Variants in DMD observed in about 807,000 individuals in gnomAD.
DMD encodes the protein mutant dystrophin.
A neutral mutation model predicts 330.1 loss-of-function variants in DMD; 63 were observed. The ratio of observed to expected loss-of-function variants is 0.19; its 90% CI spans 0.16 to 0.24. The LOEUF is 0.24. Among genes scored for constraint, DMD ranks in the 10% least tolerant of loss-of-function variants. DMD has a pLI of 1.00. For synonymous variants in DMD, 1,223 were observed against 959.8 expected (o/e 1.27, Z -5.07); for missense variants, 3,344 against 2,684.1 (o/e 1.25, Z -5.43).
intron 44 of DMD, among the ~76,000 whole-genome samples, chrX:32,146,936 G>A (rs1049570108): frequency 8.9e-6 from 1 of 112,337 alleles, no homozygotes; most frequent in Non-Finnish European, 1.9e-5. Context: ...TGACAGCAGA[G>A]TATCTGTTCC....
At chrX:32,397,774 C>A (rs1251106075) in intron 30 of DMD, among the ~76,000 whole-genome samples, 2 of 111,104 alleles carry the variant, frequency 1.8e-5, no homozygotes, top group African/African-American at 6.5e-5. Context: ...CCTCATCAAA[C>A]CATTCTCATA....
intron 2 of DMD, among the ~76,000 whole-genome samples, chrX:32,917,990 A>G (rs113582138): frequency 0.2 from 22,348 of 109,266 alleles, 2,206 homozygotes; most frequent in Non-Finnish European, 0.31. Flanking sequence ...AGAAAAAAAA[A>G]AAAAAAGAAA....
At chrX:32,499,746 G>T (rs745794868) in intron 19 of DMD, among the ~76,000 whole-genome samples, 1 of 110,689 alleles carries the variant, frequency 9.0e-6, no homozygotes, top group African/African-American at 3.3e-5. Context: ...CTGTACTTTT[G>T]GGCTCTATAC....
chrX:31,830,794 T>C (rs1448853698), intron 49 of DMD, among the ~76,000 whole-genome samples: 1 of 111,358 alleles, frequency 9.0e-6, no homozygotes, highest in Non-Finnish European at 1.9e-5. Flanking sequence ...AAAACACTCA[T>C]AGAAATAAAC....
intron 55 of DMD, among the ~76,000 whole-genome samples, chrX:31,583,424 G>A (rs1434272123): frequency 9.0e-6 from 1 of 111,151 alleles, no homozygotes; most frequent in Non-Finnish European, 1.9e-5. Flanking sequence ...AAAACCTGGG[G>A]AAGAGGGTGT....
chrX:32,540,552 T>G (rs1475377779), intron 17 of DMD, among the ~76,000 whole-genome samples: 1 of 111,545 alleles, frequency 9.0e-6, no homozygotes, highest in African/African-American at 3.3e-5. Context: ...GTAGAATTTT[T>G]AAATGATATT....
intron 17 of DMD, among the ~76,000 whole-genome samples, chrX:32,539,121 T>C (rs1307321632): frequency 9.0e-6 from 1 of 111,219 alleles, no homozygotes; most frequent in Non-Finnish European, 1.9e-5. Context: ...GAACATTTAA[T>C]AGATGGTTAT....
At chrX:33,022,748 C>T (rs1167856345) in intron 1 of DMD, among the ~76,000 whole-genome samples, 1 of 111,309 alleles carries the variant, frequency 9.0e-6, no homozygotes, top group African/African-American at 3.3e-5. Flanking sequence ...AAGTCCATGG[C>T]TTTTCACATT....
intron 1 of DMD, among the ~76,000 whole-genome samples, chrX:33,170,358 T>A (rs2049275501): frequency 9.0e-6 from 1 of 111,507 alleles, no homozygotes; most frequent in Admixed American, 9.5e-5. Context: ...ATGTAAAATT[T>A]TATTAAAAAT....
intron 43 of DMD, among the ~76,000 whole-genome samples, chrX:32,218,551 T>A (rs1247928188): frequency 8.9e-6 from 1 of 111,981 alleles, no homozygotes; most frequent in East Asian, 2.8e-4. Context: ...CATTCAGGAA[T>A]TTAAAGTAAC....
intron 44 of DMD, among the ~76,000 whole-genome samples, chrX:32,113,828 C>CAA (rs2096598788): frequency 8.9e-6 from 1 of 111,810 alleles, no homozygotes; most frequent in African/African-American, 3.2e-5. Context: ...CTCTCAGACA[C>CAA]AAATTATATT....
intron 48 of DMD, among the ~76,000 whole-genome samples, chrX:31,848,042 G>A (rs1220982373): frequency 9.0e-6 from 1 of 110,861 alleles, no homozygotes; most frequent in East Asian, 2.8e-4. Context: ...TGTGTATACT[G>A]TGTGTGTGTG....
chrX:32,913,222 G>T (rs961094085), intron 2 of DMD, among the ~76,000 whole-genome samples: 2 of 111,534 alleles, frequency 1.8e-5, no homozygotes, highest in East Asian at 5.6e-4. Context: ...ATATATCGTT[G>T]TCAGTCACTT....
intron 44 of DMD, among the ~76,000 whole-genome samples, chrX:32,034,383 T>C (rs1042259391): frequency 3.6e-5 from 4 of 111,822 alleles, no homozygotes; most frequent in African/African-American, 1.3e-4. Flanking sequence ...ATAACCTATG[T>C]CCTATAAACA....
intron 52 of DMD, among the ~76,000 whole-genome samples, chrX:31,701,904 T>C (rs773949722): frequency 2.8e-4 from 32 of 112,833 alleles, no homozygotes; most frequent in Non-Finnish European, 3.4e-4. Flanking sequence ...CTATACCCAC[T>C]ATTTCCACAT....
At chrX:31,726,942 T>G (rs991217422) in intron 52 of DMD, among the ~76,000 whole-genome samples, 5 of 111,626 alleles carry the variant, frequency 4.5e-5, no homozygotes, top group African/African-American at 1.6e-4. Flanking sequence ...TTCAAATCAC[T>G]GAATATTGGC....
chrX:32,183,968 C>T (rs1361404014), intron 44 of DMD, among the ~76,000 whole-genome samples: 1 of 110,677 alleles, frequency 9.0e-6, no homozygotes, highest in East Asian at 2.8e-4. Flanking sequence ...TAAAAAGACT[C>T]TTGAAAAATG....
In DMD at chrX:32,474,589, T is replaced by C. The variant is rs572377166; in HGVS notation, c.2804-2280A>G. ...GTAAGGTGGTATCACATGGTGGTTT[T>C]GATTTGCATTTCCCTGATCATTCAT... On this transcript the variant is annotated intron_variant, in intron 21 of 78. Transcript: ENST00000357033. Among the ~76,000 whole-genome samples the C allele has an allele frequency of 2.0e-4, 22 of 112,205 alleles. No homozygotes were observed. The South Asian group carries it at 7.0e-3, about 36-fold the overall frequency.
chrX:32,857,435 G>T (rs1193332091), intron 2 of DMD, among the ~76,000 whole-genome samples: 2 of 111,945 alleles, frequency 1.8e-5, no homozygotes, highest in African/African-American at 3.2e-5. Flanking sequence ...TTGAATGAAG[G>T]TATACAATGC....
Sources: gnomAD v4.1 joint callset for allele counts (sites outside exome capture counted in the v4.1 genomes callset) on GRCh38, gnomAD v4.1.1 for gene constraint, MANE v1.5 for transcripts, NCBI Gene and HGNC (gene_info 2026-07-23, HGNC 2026-07-21) for gene names.